The following CDH12 variants were observed in gnomAD, a reference collection of about 807,000 sequenced individuals.
CDH12 encodes the protein cadherin-12.
In CDH12, 41 loss-of-function variants were observed where a neutral mutation model predicts 74.1. The observed-to-expected ratio is 0.55, with a 90% confidence interval of 0.43 to 0.72. The LOEUF is 0.72. Ranked by LOEUF, CDH12 falls within the 30% of genes least tolerant of loss-of-function variation. CDH12 has a pLI of 0.00. For synonymous variants in CDH12, 399 were observed against 355.0 expected (o/e 1.12, Z -1.39); for missense variants, 945 against 977.2 (o/e 0.97, Z 0.44).
intron 1 of CDH12, among the ~76,000 whole-genome samples, chr5:22,715,803 A>C (rs963149737): frequency 1.2e-5 from 1 of 80,122 alleles, no homozygotes; most frequent in African/African-American, 4.3e-5. Context: ...CCCATCTAAA[A>C]AAAAAAAAAA....
chr5:22,439,584 T>C (rs978740408), intron 2 of CDH12, among the ~76,000 whole-genome samples: 2 of 152,072 alleles, frequency 1.3e-5, no homozygotes, highest in African/African-American at 4.8e-5. Flanking sequence ...AAGACCTAAG[T>C]CCTGATCCTG....
intron 5 of CDH12, among the ~76,000 whole-genome samples, chr5:22,008,314 C>T (rs1737084805): frequency 6.6e-6 from 1 of 152,002 alleles, no homozygotes; most frequent in African/African-American, 2.4e-5. Context: ...ACTGTAACCT[C>T]CACCTCCTGG....
chr5:21,893,350 G>T (rs1752977759), intron 6 of CDH12, among the ~76,000 whole-genome samples: 1 of 152,106 alleles, frequency 6.6e-6, no homozygotes, highest in African/African-American at 2.4e-5. Flanking sequence ...CAAGGGAGTG[G>T]CAGGAGAGAA....
chr5:21,990,668 A>G (rs912763703), intron 5 of CDH12, among the ~76,000 whole-genome samples: 2 of 151,988 alleles, frequency 1.3e-5, no homozygotes, highest in Non-Finnish European at 2.9e-5. Context: ...AAGCTTCTAT[A>G]TTTTGCCAGG....
At chr5:21,926,656 A>T (rs1302347654) in intron 6 of CDH12, among the ~76,000 whole-genome samples, 1 of 152,192 alleles carries the variant, frequency 6.6e-6, no homozygotes, top group African/African-American at 2.4e-5. Flanking sequence ...GCAAGATTTA[A>T]TATCTCTTGT....
intron 1 of CDH12, among the ~76,000 whole-genome samples, chr5:22,703,348 T>A (rs1187644989): frequency 6.6e-6 from 1 of 152,136 alleles, no homozygotes; most frequent in Non-Finnish European, 1.5e-5. Context: ...ATAGCCTTAC[T>A]TGAATTTTCT....
intron 2 of CDH12, among the ~76,000 whole-genome samples, chr5:22,427,049 C>T (rs1455294951): frequency 6.6e-6 from 1 of 152,060 alleles, no homozygotes; most frequent in African/African-American, 2.4e-5. Context: ...CTTTTCTCTC[C>T]CCTGTGATAA....
intron 6 of CDH12, among the ~76,000 whole-genome samples, chr5:21,872,058 A>G (rs1441425726): frequency 1.3e-5 from 2 of 152,212 alleles, no homozygotes; most frequent in East Asian, 3.8e-4. Context: ...TAGAAAAGAC[A>G]TGTCATAAAA....
intron 3 of CDH12, among the ~76,000 whole-genome samples, chr5:22,335,850 T>C (rs1250056970): frequency 3.3e-5 from 5 of 152,134 alleles, no homozygotes; most frequent in African/African-American, 4.8e-5. Context: ...CACTGAAAGA[T>C]ACCTGAAAAT....
intron 1 of CDH12, among the ~76,000 whole-genome samples, chr5:22,597,085 C>A (rs987678516): frequency 1.1e-4 from 16 of 152,242 alleles, no homozygotes; most frequent in African/African-American, 3.4e-4. Flanking sequence ...AATAAAATAA[C>A]AGGCACCTCT....
rs17328673 is a variant in CDH12 at position 21,817,097 on chromosome 5, T to C, written c.850A>G (p.Ile284Val). 55,088 of 1,611,572 alleles carry C rather than the reference T, an allele frequency of 0.034. 1,168 individuals are homozygous for C. The highest frequency in any genetic ancestry group is 0.07 in the Middle Eastern group (421 of 6,046). Residue 284 changes from isoleucine to valine, a missense_variant, in exon 9 of 15, where the codon ATT becomes GTT. By Grantham distance (29) the Ile-to-Val change is conservative (BLOSUM62 3). This residue lies in a region of CDH12 where 791 missense variants were observed against 792.8 expected (regional missense o/e 1.00). Transcript: ENST00000382254. ...CTTATTCTTCCAATAGCTGAACCAATAGGGGAAGACTCAGGAACTTTCAAG... is the reference window on the plus strand; with the variant it reads ...CTTATTCTTCCAATAGCTGAACCAACAGGGGAAGACTCAGGAACTTTCAAG... ...FHLKVPESSP[I>V]GSAIGRIRAV... is the part of the protein sequence containing the mutation.
intron 1 of CDH12, among the ~76,000 whole-genome samples, chr5:22,710,414 C>T (rs115065975): frequency 0.011 from 1,610 of 152,214 alleles, 16 homozygotes; most frequent in Middle Eastern, 0.017. Flanking sequence ...AAAAAGTACA[C>T]GGCAGCTGGT....
intron 6 of CDH12, among the ~76,000 whole-genome samples, chr5:21,925,667 A>G (rs1169149515): frequency 6.6e-6 from 1 of 152,186 alleles, no homozygotes; most frequent in Non-Finnish European, 1.5e-5. Context: ...GCATATATTT[A>G]CAGTCTTTAG....
At chr5:22,141,830 G>A (rs978599227) in intron 4 of CDH12, among the ~76,000 whole-genome samples, 3 of 152,154 alleles carry the variant, frequency 2.0e-5, no homozygotes, top group Non-Finnish European at 2.9e-5. Flanking sequence ...TGCATTGCTA[G>A]GTACTAATCA....
chr5:22,636,441 T>A lies in CDH12; in HGVS notation c.-522-131077A>T, dbSNP rs541666129. 1.1e-4 allele frequency among the ~76,000 whole-genome samples: 17 copies of A among 152,302 alleles called. No homozygotes were observed. The South Asian group carries it at 3.5e-3, about 32-fold the overall frequency. On this transcript the variant is annotated intron_variant, in intron 1 of 14. Coordinates refer to ENST00000382254, the MANE Select transcript of CDH12 (RefSeq NM_004061.5). ...AAATGTCTGGAAACTTATGAGTAGA[T>A]AAATGCAATATTGTATATCCAAACA...
chr5:22,850,416 A>T (rs1737497306), intron 1 of CDH12, among the ~76,000 whole-genome samples: 1 of 152,114 alleles, frequency 6.6e-6, no homozygotes, highest in Non-Finnish European at 1.5e-5. Flanking sequence ...TTAGCAAAAT[A>T]AAAAGCTCCC....
At chr5:21,928,176 T>C (rs998772180) in intron 6 of CDH12, among the ~76,000 whole-genome samples, 14 of 152,154 alleles carry the variant, frequency 9.2e-5, no homozygotes, top group Non-Finnish European at 1.3e-4. Flanking sequence ...TTTATAGATA[T>C]TGAAACCACC....
intron 10 of CDH12, among the ~76,000 whole-genome samples, chr5:21,784,759 A>C (rs1194976620): frequency 6.6e-6 from 1 of 152,126 alleles, no homozygotes; most frequent in Non-Finnish European, 1.5e-5. Context: ...TGTGTATCTC[A>C]ACATAAAAAA....
At chr5:22,685,987 G>A (rs1463567569) in intron 1 of CDH12, among the ~76,000 whole-genome samples, 2 of 152,136 alleles carry the variant, frequency 1.3e-5, no homozygotes, top group African/African-American at 4.8e-5. Flanking sequence ...TTCCAAAGCG[G>A]CAAGGTTATA....
Sources: gnomAD v4.1 joint callset for allele counts (sites outside exome capture counted in the v4.1 genomes callset) on GRCh38, gnomAD v4.1.1 for gene constraint, gnomAD v4.1.1 regional missense constraint, MANE v1.5 for transcripts, NCBI Gene and HGNC (gene_info 2026-07-23, HGNC 2026-07-21) for gene names.